The following ATP9B variants were observed in gnomAD, a reference collection of about 807,000 sequenced individuals.
The protein encoded by ATP9B is ATPase phospholipid transporting 9B, also known as probable phospholipid-transporting ATPase IIB.
A neutral mutation model predicts 146.1 loss-of-function variants in ATP9B; 110 were observed. The observed-to-expected ratio is 0.75, with a 90% CI of 0.65 to 0.88. The LOEUF (loss-of-function observed/expected upper bound fraction) is 0.88, where lower values mean the gene tolerates loss of function less well. Among genes scored for constraint, ATP9B ranks in the 40% least tolerant of loss-of-function variants. ATP9B has a pLI of 0.00. For synonymous variants in ATP9B, 604 were observed against 569.7 expected (o/e 1.06, Z -0.86); for missense variants, 1,499 against 1,496.4 (o/e 1.00, Z -0.03).
chr18:79,302,159 A>G (rs2096594680), intron 13 of ATP9B, among the ~76,000 whole-genome samples: 1 of 152,248 alleles, frequency 6.6e-6, no homozygotes, highest in South Asian at 2.1e-4. Context: ...TATTGCAGTC[A>G]ATTGCAATTT....
chr18:79,072,098 C>G (rs962024081), intron 1 of ATP9B, among the ~76,000 whole-genome samples: 2 of 150,684 alleles, frequency 1.3e-5, no homozygotes, highest in Non-Finnish European at 3.0e-5. Context: ...CTGTGTTGTT[C>G]AGATTGTGTA....
At chr18:79,190,277 C>G (rs1438468486) in intron 8 of ATP9B, among the ~76,000 whole-genome samples, 1 of 151,976 alleles carries the variant, frequency 6.6e-6, no homozygotes, top group Admixed American at 6.6e-5. Flanking sequence ...TTTATGTTCT[C>G]ATGTTATACC....
At chr18:79,342,397 T>G (rs752082370) in intron 20 of ATP9B, 31 bp downstream of exon 20, 121 of 1,482,784 alleles carry the variant, frequency 8.2e-5, no homozygotes, top group Non-Finnish European at 1.1e-4. Flanking sequence ...CTTTGAATTT[T>G]TAAACATTTG....
intron 15 of ATP9B, among the ~76,000 whole-genome samples, chr18:79,324,952 A>G (rs2096736016): frequency 1.3e-5 from 2 of 152,158 alleles, no homozygotes; most frequent in Admixed American, 1.3e-4. Context: ...CAGGTTTTGA[A>G]GTGTGTTCAG....
chr18:79,199,539 A>G (rs1412933813), intron 9 of ATP9B, among the ~76,000 whole-genome samples: 2 of 151,970 alleles, frequency 1.3e-5, no homozygotes, highest in Non-Finnish European at 2.9e-5. Flanking sequence ...AGGCTGGTGG[A>G]TCACGAGGTC....
rs150181998 is a variant in ATP9B, at chr18:79,084,674, G to A, written c.120-11802G>A. 6.9e-3 allele frequency among the ~76,000 whole-genome samples: 1,052 copies of A among 152,212 alleles called. 13 individuals carry two copies. Among genetic ancestry groups the A allele is most frequent in the African/African-American group, 0.023 (961 of 41,510 alleles). ...ACAGCTTTCATATGAGCTTTACATCGCTTTGTGAGCATTGAAAGCTTCCTT... is the reference window on the plus strand; with the variant it reads ...ACAGCTTTCATATGAGCTTTACATCACTTTGTGAGCATTGAAAGCTTCCTT... On this transcript the variant is annotated intron_variant, in intron 1 of 29. Coordinates refer to ENST00000426216, the MANE Select transcript of ATP9B (RefSeq NM_198531.5).
intron 11 of ATP9B, among the ~76,000 whole-genome samples, chr18:79,241,320 G>A (rs1181105637): frequency 2.0e-5 from 3 of 152,062 alleles, no homozygotes; most frequent in South Asian, 2.1e-4. Context: ...CTCTGTTATG[G>A]CCTCGCTACC....
chr18:79,370,169 T>C (rs1007157167), intron 26 of ATP9B, among the ~76,000 whole-genome samples: 10 of 152,238 alleles, frequency 6.6e-5, no homozygotes, highest in Non-Finnish European at 1.3e-4. Context: ...GATAGAAATA[T>C]ACTTTCTGAA....
At chr18:79,078,213 A>C (rs189615594) in intron 1 of ATP9B, 1 of 152,352 alleles carries the variant, frequency 6.6e-6, no homozygotes, top group Admixed American at 6.5e-5. Context: ...ATTACTATCA[A>C]AAATTTTTCG....
intron 11 of ATP9B, among the ~76,000 whole-genome samples, chr18:79,243,177 G>C (rs1291910187): frequency 6.6e-6 from 1 of 152,206 alleles, no homozygotes; most frequent in African/African-American, 2.4e-5. Context: ...TAGTTAAGCA[G>C]ATGTGTGGGC....
intron 26 of ATP9B, among the ~76,000 whole-genome samples, chr18:79,366,320 G>A (rs2097028744): frequency 6.6e-6 from 1 of 152,218 alleles, no homozygotes; most frequent in African/African-American, 2.4e-5. Flanking sequence ...GAGGAGGAAT[G>A]CAGACAGCGG....
chr18:79,167,143 G>A (rs1477333569), intron 7 of ATP9B, among the ~76,000 whole-genome samples: 1 of 152,208 alleles, frequency 6.6e-6, no homozygotes. Context: ...GCTCTCTGAA[G>A]AGCCACAGAT....
At chr18:79,200,072 T>C (rs1026404750) in intron 9 of ATP9B, among the ~76,000 whole-genome samples, 1 of 152,238 alleles carries the variant, frequency 6.6e-6, no homozygotes, top group African/African-American at 2.4e-5. Flanking sequence ...TTTAATATTA[T>C]GTACTGTACA....
At chr18:79,320,265 C>T (rs1055960681) in intron 15 of ATP9B, among the ~76,000 whole-genome samples, 2 of 152,184 alleles carry the variant, frequency 1.3e-5, no homozygotes, top group African/African-American at 4.8e-5. Context: ...GGAGCCCGGA[C>T]CTGGGAGTGT....
chr18:79,271,970 T>C (rs1249626650), intron 12 of ATP9B, among the ~76,000 whole-genome samples: 1 of 152,244 alleles, frequency 6.6e-6, no homozygotes, highest in Non-Finnish European at 1.5e-5. Flanking sequence ...GGTTTTGATT[T>C]GCATTTCTCT....
At chr18:79,096,796 A>G (rs1476326685) in intron 2 of ATP9B, 147 bp downstream of exon 2, 1 of 697,930 alleles carries the variant, frequency 1.4e-6, no homozygotes, top group East Asian at 2.9e-5. Context: ...ACATTAATCA[A>G]AGCCAAACAA....
At chr18:79,290,908 T>C (rs374380832) in intron 13 of ATP9B, among the ~76,000 whole-genome samples, 1 of 152,236 alleles carries the variant, frequency 6.6e-6, no homozygotes, top group African/African-American at 2.4e-5. Context: ...TACCTTTCTT[T>C]ATATATTAAA....
chr18:79,120,838 G>A (rs2094175973), intron 4 of ATP9B, among the ~76,000 whole-genome samples: 1 of 152,150 alleles, frequency 6.6e-6, no homozygotes, highest in Non-Finnish European at 1.5e-5. Context: ...CAATCTATGA[G>A]GACTTTGATT....
chr18:79,311,329 C>T (rs1164610827), intron 15 of ATP9B, among the ~76,000 whole-genome samples: 1 of 152,064 alleles, frequency 6.6e-6, no homozygotes, highest in Middle Eastern at 3.2e-3. Context: ...GGATGTGAGG[C>T]CCTCCTCCAC....
Sources: allele counts gnomAD v4.1 joint callset (sites outside exome capture counted in the v4.1 genomes callset), GRCh38; gene constraint gnomAD v4.1.1; transcripts MANE v1.5; gene names NCBI Gene and HGNC (gene_info 2026-07-23, HGNC 2026-07-21).